Variants in SLC43A2 observed in about 807,000 individuals in gnomAD.
SLC43A2 encodes large neutral amino acids transporter small subunit 4.
Under a neutral mutation model 63.2 loss-of-function variants are expected in SLC43A2, and 38 were observed. That is an observed-to-expected ratio of 0.60 (90% CI 0.46 to 0.79). The LOEUF (loss-of-function observed/expected upper bound fraction) is 0.79. Among genes scored for constraint, SLC43A2 ranks in the 30% least tolerant of loss-of-function variants. The pLI, the probability that SLC43A2 is intolerant of heterozygous loss-of-function variation, is 0.00. For missense variants in SLC43A2, 644 were observed against 756.2 expected, an observed-to-expected ratio of 0.85 and a Z score of 1.74; for synonymous variants, 322 against 331.0, an observed-to-expected ratio of 0.97 and a Z score of 0.30.
intron 5 of SLC43A2, among the ~76,000 whole-genome samples, chr17:1,612,971 CAA>C (rs778022762): frequency 3.6e-5 from 5 of 139,178 alleles, no homozygotes; most frequent in Admixed American, 7.1e-5. Flanking sequence ...GACTCCGTCT[CAA>C]AAAAAAAAAA....
Position 1,575,636 on chromosome 17 carries a change from T to G in SLC43A2, c.1678A>C (p.Asn560His). ...AAGGCCTCCTGGTTGGACGAGCCGT[T>G]GATTTTGAGGAAGAGTTTGTCATCC... is the stretch of plus-strand genomic sequence containing the variant. ...QEDDKLFLKI[N>H]GSSNQEAFV The change falls in exon 14 of 14, where the codon AAC (asparagine) becomes CAC (histidine). Residue 560 changes from asparagine (N) to histidine (H), a missense_variant. Asn to His is a moderately conservative substitution (Grantham distance 68). This residue lies in a region of SLC43A2 where 105 missense variants were observed against 101.7 expected (regional missense o/e 1.03). Coordinates refer to ENST00000301335, the MANE Select transcript of SLC43A2 (RefSeq NM_152346.3). 2 of 1,613,970 alleles carry G rather than the reference T, an allele frequency of 1.2e-6. No individual in the cohort carries two copies. Among genetic ancestry groups the G allele is most frequent in the African/African-American group, 2.7e-5 (2 of 75,012 alleles).
chr17:1,627,503 G>C (rs566320514), intron 2 of SLC43A2, among the ~76,000 whole-genome samples: 14 of 152,272 alleles, frequency 9.2e-5, no homozygotes, highest in African/African-American at 3.4e-4. Flanking sequence ...CCTTGCGCAA[G>C]ACAGATCGCT....
At chr17:1,621,911 CCCATGTG>C (rs1908196305) in intron 2 of SLC43A2, among the ~76,000 whole-genome samples, 2 of 152,222 alleles carry the variant, frequency 1.3e-5, no homozygotes, top group Non-Finnish European at 2.9e-5. Context: ...GAAAAGGCTG[CCCATGTG>C]CCGGCAACAC....
At chr17:1,610,746 T>A (rs907167560) in intron 5 of SLC43A2, among the ~76,000 whole-genome samples, 13 of 151,248 alleles carry the variant, frequency 8.6e-5, no homozygotes, top group Non-Finnish European at 1.5e-4. Context: ...ATGAAAAAAA[T>A]TTTGTTTTAT....
rs942920977 is a variant in SLC43A2, at chr17:1,593,903, G to A, written c.502-624C>T. 6.6e-6 allele frequency among the ~76,000 whole-genome samples: 1 copy of A among 152,076 alleles called. No individual in the cohort carries two copies. Among genetic ancestry groups the A allele is most frequent in the Non-Finnish European group, 1.5e-5 (1 of 68,016 alleles). ...TCCCCAGGCTGGAGCGCAGTGGTGT[G>A]AGCTCGGCTCGTTGCAACCTCCGCC... On this transcript the variant is annotated intron_variant, in intron 5 of 13. Coordinates refer to ENST00000301335, the MANE Select transcript of SLC43A2 (RefSeq NM_152346.3). The surrounding 1 kb of genome is among the most constrained non-coding windows in gnomAD (Gnocchi z 5.3).
At chr17:1,600,857 C>CTT (rs775488616) in intron 5 of SLC43A2, among the ~76,000 whole-genome samples, 3 of 143,412 alleles carry the variant, frequency 2.1e-5, no homozygotes, top group South Asian at 4.4e-4. Flanking sequence ...TGCGCCCAGA[C>CTT]TTTTTTTTTT....
At chr17:1,623,101 C>T (rs1486806362) in intron 2 of SLC43A2, among the ~76,000 whole-genome samples, 5 of 152,282 alleles carry the variant, frequency 3.3e-5, no homozygotes, top group South Asian at 2.1e-4. Context: ...AGTGAAACTC[C>T]GTTCCCTCCT....
At chr17:1,601,275 C>G (rs2151059425) in intron 5 of SLC43A2, among the ~76,000 whole-genome samples, 1 of 152,162 alleles carries the variant, frequency 6.6e-6, no homozygotes, top group Admixed American at 6.6e-5. Flanking sequence ...TGCAATGAAA[C>G]CTGTGGGCAT....
Position 1,611,627 on chromosome 17 carries a change from CAAAAAA to C in SLC43A2, c.501+1562_501+1567del, listed in dbSNP as rs11377420. ...TCCAGCCTGGGCAACCGAGCAGACT[CAAAAAA>C]AAAAAAAAGAAAAAGGAAAAAAGAA... On this transcript the variant is annotated intron_variant, in intron 5 of 13. Coordinates refer to ENST00000301335, the MANE Select transcript of SLC43A2 (RefSeq NM_152346.3). Among the ~76,000 whole-genome samples the C allele has an allele frequency of 5.8e-5, 7 of 120,522 alleles. No homozygotes were observed. In the East Asian group the frequency reaches 1.6e-3, roughly 28 times the overall value. The allele number at this position is 120,522 out of a possible 152,430, so 79.1% of individuals were successfully genotyped here. A position where few individuals can be genotyped will look rare whatever the true frequency, so the allele number is the denominator to read the frequency against.
chr17:1,585,846 T>G, intron 10 of SLC43A2, 67 bp downstream of exon 10: 1 of 1,610,038 alleles, frequency 6.2e-7, no homozygotes. Context: ...GTGCCTGACA[T>G]GCAGCTCTGG....
chr17:1,585,890 G>C, intron 10 of SLC43A2, 23 bp downstream of exon 10: 1 of 1,613,372 alleles, frequency 6.2e-7, no homozygotes, highest in South Asian at 1.1e-5. Context: ...CTGGGAGCCG[G>C]GGCACCGGCC....
intron 6 of SLC43A2, 86 bp from the exon 7 acceptor site, chr17:1,591,785 T>C (rs1333936793): frequency 1.0e-6 from 1 of 1,001,766 alleles, no homozygotes; most frequent in Non-Finnish European, 1.5e-6. Context: ...CAGGGGCGTC[T>C]GGCCACCCCT....
At chr17:1,613,431 A>G (rs1228493378) in intron 4 of SLC43A2, among the ~76,000 whole-genome samples, 160 bp from the exon 5 acceptor site, 1 of 148,240 alleles carries the variant, frequency 6.7e-6, no homozygotes, top group African/African-American at 2.5e-5. Context: ...CCCCTTTCTC[A>G]CCCCCTCCTC....
intron 2 of SLC43A2, among the ~76,000 whole-genome samples, chr17:1,624,565 G>A (rs1323384489): frequency 2.6e-5 from 4 of 152,012 alleles, no homozygotes; most frequent in Admixed American, 2.6e-4. Flanking sequence ...TTAGCCGGGC[G>A]TGGTGGTGGG....
chr17:1,580,959 A>G (rs542238881), intron 11 of SLC43A2, among the ~76,000 whole-genome samples: 1 of 152,138 alleles, frequency 6.6e-6, no homozygotes, highest in African/African-American at 2.4e-5. Flanking sequence ...TGGTCCTAGT[A>G]AAGTTCTGTC....
At chr17:1,623,820 A>G (rs1258725047) in intron 2 of SLC43A2, among the ~76,000 whole-genome samples, 1 of 130,226 alleles carries the variant, frequency 7.7e-6, no homozygotes. Context: ...TCCAGGGTGT[A>G]CCCTCCTCTC....
intron 2 of SLC43A2, among the ~76,000 whole-genome samples, chr17:1,626,254 G>A (rs1054539): frequency 6.7e-6 from 1 of 149,590 alleles, no homozygotes; most frequent in Non-Finnish European, 1.5e-5. Flanking sequence ...CGATCTCTAA[G>A]GGGGGAGAGA....
intron 12 of SLC43A2, 77 bp from the exon 13 acceptor site, chr17:1,576,797 C>A (rs2075940108): frequency 3.9e-6 from 6 of 1,546,044 alleles, no homozygotes; most frequent in Middle Eastern, 2.3e-4. Flanking sequence ...TGACCCCGGG[C>A]TGCACCGTTG....
Position 1,613,423 on chromosome 17 carries a change from C to T in SLC43A2, c.425-152G>A, listed in dbSNP as rs147514839. 1.1e-3 allele frequency: 712 copies of T among 642,010 alleles called. 6 individuals carry two copies. In the African/African-American group the frequency reaches 0.012, roughly 11 times the overall value. 39.8% of individuals were successfully genotyped at this position (642,010 alleles called of 1,614,324 possible). A position where few individuals can be genotyped will look rare whatever the true frequency, so the allele number is the denominator to read the frequency against. ...CTGACATCTGGGGAGTGGAACTGCC[C>T]CTTTCTCACCCCCTCCTCTAGGCCT... On this transcript the variant is annotated intron_variant, in intron 4 of 13. Coordinates refer to ENST00000301335, the MANE Select transcript of SLC43A2 (RefSeq NM_152346.3).
Sources: gnomAD v4.1 joint callset for allele counts (sites outside exome capture counted in the v4.1 genomes callset) on GRCh38, gnomAD v4.1.1 for gene constraint, gnomAD v4.1.1 regional missense constraint, Gnocchi (gnomAD v3.1) non-coding constraint, MANE v1.5 for transcripts, NCBI Gene and HGNC (gene_info 2026-07-23, HGNC 2026-07-21) for gene names.